Variants in RNF111 observed in about 807,000 individuals in gnomAD.
RNF111 encodes ring finger protein 111.
In RNF111, 17 loss-of-function variants were observed where a neutral mutation model predicts 95.1. The observed-to-expected ratio is 0.18, with a 90% CI of 0.12 to 0.27. The LOEUF is 0.27. Ranked by LOEUF, RNF111 falls within the 10% of genes least tolerant of loss-of-function variation. The pLI is 1.00. For synonymous variants in RNF111, 440 were observed against 414.8 expected (o/e 1.06, Z -0.74); for missense variants, 1,189 against 1,210.4 (o/e 0.98, Z 0.26).
intron 2 of RNF111, among the ~76,000 whole-genome samples, chr15:59,043,386 A>G (rs2041560143): frequency 6.6e-6 from 1 of 152,060 alleles, no homozygotes; most frequent in Admixed American, 6.6e-5. Flanking sequence ...TGAACTCCTG[A>G]CCTCAGGTGA....
At chr15:59,091,028 T>C (rs1469531747) in intron 11 of RNF111, 31 bp from the exon 12 acceptor site, 4 of 1,338,870 alleles carry the variant, frequency 3.0e-6, no homozygotes, top group Non-Finnish European at 4.3e-6. Flanking sequence ...TCATCTTGGC[T>C]TTTACCAGTC....
chr15:59,087,634 G>A (rs935611014), intron 10 of RNF111, among the ~76,000 whole-genome samples: 1 of 152,086 alleles, frequency 6.6e-6, no homozygotes, highest in Non-Finnish European at 1.5e-5. Context: ...TTTACTATTC[G>A]TTAAGTGAAA....
chr15:59,039,004 G>A (rs2041317504), intron 2 of RNF111, among the ~76,000 whole-genome samples: 1 of 152,136 alleles, frequency 6.6e-6, no homozygotes, highest in South Asian at 2.1e-4. Flanking sequence ...CACTTTTGTT[G>A]CCCAGGCTGG....
intron 1 of RNF111, among the ~76,000 whole-genome samples, chr15:59,001,711 A>G (rs192903788): frequency 3.3e-5 from 5 of 152,292 alleles, no homozygotes; most frequent in African/African-American, 1.2e-4. Flanking sequence ...GTGATATAAG[A>G]TTTGTTACAG....
At chr15:59,069,725 A>G (rs2042824900) in intron 6 of RNF111, among the ~76,000 whole-genome samples, 1 of 152,172 alleles carries the variant, frequency 6.6e-6, no homozygotes, top group Non-Finnish European at 1.5e-5. Flanking sequence ...TGATGTTTGT[A>G]GGACTCTAAA....
At chr15:58,992,008 G>A (rs2141357731) in intron 1 of RNF111, among the ~76,000 whole-genome samples, 2 of 152,182 alleles carry the variant, frequency 1.3e-5, no homozygotes, top group East Asian at 3.9e-4. Context: ...AGAGACTGAG[G>A]AATGAGGGAG....
chr15:59,087,915 G>T (rs1420574159), intron 10 of RNF111, among the ~76,000 whole-genome samples: 1 of 152,144 alleles, frequency 6.6e-6, no homozygotes, highest in Non-Finnish European at 1.5e-5. Context: ...TGTCAGAATG[G>T]TTCAGTAATG....
chr15:59,076,589 A>G (rs2078570596), intron 7 of RNF111, among the ~76,000 whole-genome samples: 1 of 152,298 alleles, frequency 6.6e-6, no homozygotes, highest in Admixed American at 6.5e-5. Flanking sequence ...GTTGGGCATG[A>G]TGGCTCACTC....
chr15:59,074,650 C>T (rs1356110662), intron 6 of RNF111, among the ~76,000 whole-genome samples: 1 of 152,192 alleles, frequency 6.6e-6, no homozygotes, highest in Non-Finnish European at 1.5e-5. Flanking sequence ...GATCTTCCAT[C>T]TAGATCACTA....
Position 59,066,983 on chromosome 15 carries a change from C to G in RNF111, c.1586C>G (p.Ser529Cys). ...ACTCCCCACCCAGCTGTCCCAGTTTCTCCTTCCTTTAGTGATCCTGCTTGC... is the reference window on the plus strand; with the variant it reads ...ACTCCCCACCCAGCTGTCCCAGTTTGTCCTTCCTTTAGTGATCCTGCTTGC... ...HHTPHPAVPV[S>C]PSFSDPACPV... Residue 529 changes from serine (S) to cysteine (C), a missense_variant, in exon 6 of 14, where the codon TCT (serine) becomes TGT (cysteine). By Grantham distance (112) the Ser-to-Cys change is moderately radical. Transcript: ENST00000348370. 6.2e-7 allele frequency: 1 copy of G among 1,614,164 alleles called. No homozygotes were observed. The highest frequency in any genetic ancestry group is 8.5e-7 in the Non-Finnish European group (1 of 1,180,026).
chr15:59,004,456 C>G (rs2039452786), intron 1 of RNF111, among the ~76,000 whole-genome samples: 1 of 152,106 alleles, frequency 6.6e-6, no homozygotes, highest in South Asian at 2.1e-4. Flanking sequence ...AAGGGTAGCA[C>G]CTTACTATCT....
chr15:59,060,500 G>C (rs1566921254), intron 5 of RNF111, among the ~76,000 whole-genome samples: 1 of 152,086 alleles, frequency 6.6e-6, no homozygotes, highest in African/African-American at 2.4e-5. Flanking sequence ...GTGAGGCTTG[G>C]TGACACACAC....
intron 1 of RNF111, among the ~76,000 whole-genome samples, chr15:59,028,560 A>G (rs1240957155): frequency 6.6e-6 from 1 of 152,152 alleles, no homozygotes; most frequent in African/African-American, 2.4e-5. Context: ...GTTAAACTGG[A>G]TAGTGAGGGA....
intron 1 of RNF111, among the ~76,000 whole-genome samples, chr15:59,022,511 G>C (rs908606183): frequency 2.1e-4 from 32 of 152,128 alleles, no homozygotes; most frequent in African/African-American, 7.0e-4. Context: ...TTTATAGCAT[G>C]AGCAGTAATA....
chr15:59,092,942 G>T (rs1000489453), intron 13 of RNF111, among the ~76,000 whole-genome samples: 8 of 152,220 alleles, frequency 5.3e-5, no homozygotes, highest in Non-Finnish European at 1.0e-4. Flanking sequence ...TGAGACTGCA[G>T]TGAGCTTTGA....
intron 2 of RNF111, among the ~76,000 whole-genome samples, chr15:59,048,422 C>G (rs1281332452): frequency 6.6e-6 from 1 of 152,116 alleles, no homozygotes; most frequent in East Asian, 1.9e-4. Flanking sequence ...GAGAGCAGAT[C>G]AGTTGTTGCA....
chr15:59,019,154 G>C (rs2040213064), intron 1 of RNF111, among the ~76,000 whole-genome samples: 1 of 148,982 alleles, frequency 6.7e-6, no homozygotes, highest in Non-Finnish European at 1.5e-5. Context: ...GCCCAGGGTG[G>C]TTTTGAACCC....
chr15:59,035,447 T>G (rs1308141898), intron 2 of RNF111, among the ~76,000 whole-genome samples: 2 of 152,196 alleles, frequency 1.3e-5, no homozygotes, highest in African/African-American at 2.4e-5. Flanking sequence ...TAGAAGCAAG[T>G]TAGTTCCTAG....
chr15:59,070,764 C>G (rs1002236002), intron 6 of RNF111, among the ~76,000 whole-genome samples: 5 of 152,100 alleles, frequency 3.3e-5, no homozygotes, highest in African/African-American at 9.7e-5. Context: ...CTATTATTCC[C>G]CCTAAACCTA....
Sources: gnomAD v4.1 joint callset for allele counts (sites outside exome capture counted in the v4.1 genomes callset) on GRCh38, gnomAD v4.1.1 for gene constraint, MANE v1.5 for transcripts, NCBI Gene and HGNC (gene_info 2026-07-23, HGNC 2026-07-21) for gene names.